The following BRMS1L variants were observed in gnomAD, a reference collection of about 807,000 sequenced individuals.
BRMS1L encodes BRMS1 like transcriptional repressor.
A neutral mutation model predicts 50.3 loss-of-function variants in BRMS1L; 23 were observed. The ratio of observed to expected loss-of-function variants is 0.46; its 90% CI spans 0.33 to 0.65. The LOEUF (loss-of-function observed/expected upper bound fraction) is 0.65, where lower values mean the gene tolerates loss of function less well. Among genes scored for constraint, BRMS1L ranks in the 30% least tolerant of loss-of-function variants. The pLI, the probability that BRMS1L is intolerant of heterozygous loss-of-function variation, is 0.02. For missense variants in BRMS1L, 286 were observed against 386.1 expected (o/e 0.74, Z 2.17); for synonymous variants, 114 against 126.9 (o/e 0.90, Z 0.69).
In BRMS1L at chr14:35,870,884, C is replaced by G. The variant is rs930194523; in HGVS notation, c.*407C>G. 2 of 156,642 alleles carry G rather than the reference C, an allele frequency of 1.3e-5. No homozygotes were observed. The highest frequency in any genetic ancestry group is 4.8e-5 in the African/African-American group (2 of 41,414). 9.7% of individuals were successfully genotyped at this position (156,642 alleles called of 1,614,324 possible). A position where few individuals can be genotyped will look rare whatever the true frequency, so the allele number is the denominator to read the frequency against. On this transcript the variant is annotated 3_prime_UTR_variant, in exon 10 of 10. Coordinates refer to ENST00000216807, the MANE Select transcript of BRMS1L (RefSeq NM_032352.4). ...GTAAATAAGGCCGATAGAATGTTTCCTATAAATGGTTTGTACTAGTACATT... is the reference window on the plus strand; with the variant it reads ...GTAAATAAGGCCGATAGAATGTTTCGTATAAATGGTTTGTACTAGTACATT...
At chr14:35,830,558 A>C (rs556414290) in intron 1 of BRMS1L, among the ~76,000 whole-genome samples, 73 of 151,188 alleles carry the variant, frequency 4.8e-4, no homozygotes, top group Admixed American at 2.3e-3. Context: ...GGGTTTCACC[A>C]TGTTGCCCAG....
At chr14:35,856,251 A>G (rs2078278313) in intron 4 of BRMS1L, among the ~76,000 whole-genome samples, 1 of 152,170 alleles carries the variant, frequency 6.6e-6, no homozygotes, top group Admixed American at 6.5e-5. Flanking sequence ...GTATCAAATT[A>G]AGGAAGGAAA....
chr14:35,843,994 A>G (rs186262150), intron 4 of BRMS1L, among the ~76,000 whole-genome samples: 13 of 152,236 alleles, frequency 8.5e-5, no homozygotes, highest in Non-Finnish European at 1.5e-4. Context: ...TGTGAGGGGA[A>G]AACTGCCTAC....
chr14:35,841,998 C>CTTTTTTTTTTTTTTTTTTTTTTTT (rs574267347), intron 4 of BRMS1L, among the ~76,000 whole-genome samples: 2 of 112,232 alleles, frequency 1.8e-5, no homozygotes, highest in African/African-American at 7.1e-5. Context: ...GCAATCTCTG[C>CTTTTTTTTTTTTTTTTTTTTTTTT]TTTTTTTTTT....
intron 1 of BRMS1L, among the ~76,000 whole-genome samples, chr14:35,829,019 C>T (rs558663539): frequency 4.6e-5 from 7 of 151,518 alleles, no homozygotes; most frequent in Admixed American, 1.3e-4. Context: ...GATCTTGGCT[C>T]GCTGCAACCT....
intron 4 of BRMS1L, among the ~76,000 whole-genome samples, chr14:35,850,363 A>G (rs2078195292): frequency 6.6e-6 from 1 of 151,614 alleles, no homozygotes; most frequent in Non-Finnish European, 1.5e-5. Context: ...ATGCACCACC[A>G]TGCCTGGCTA....
At chr14:35,828,421 T>C (rs34932131) in intron 1 of BRMS1L, among the ~76,000 whole-genome samples, 24,823 of 150,430 alleles carry the variant, frequency 0.17, 2,159 homozygotes, top group East Asian at 0.34. Flanking sequence ...ATCCACCCAC[T>C]TCAACCTCCC....
chr14:35,869,023 A>G (rs2078455812), intron 9 of BRMS1L, among the ~76,000 whole-genome samples: 1 of 152,220 alleles, frequency 6.6e-6, no homozygotes, highest in South Asian at 2.1e-4. Context: ...TGTAGGTGTC[A>G]GTGGTAAATA....
intron 4 of BRMS1L, among the ~76,000 whole-genome samples, chr14:35,854,972 T>TC (rs35174040): frequency 6.6e-6 from 1 of 152,270 alleles, no homozygotes; most frequent in East Asian, 1.9e-4. Flanking sequence ...GAAAAACTTT[T>TC]CCCCCCCTCT....
intron 4 of BRMS1L, among the ~76,000 whole-genome samples, chr14:35,838,485 C>CA (rs1194650068): frequency 6.6e-6 from 1 of 151,230 alleles, no homozygotes; most frequent in Admixed American, 6.6e-5. Context: ...TTTATACTCC[C>CA]ACCAACAGTG....
intron 6 of BRMS1L, among the ~76,000 whole-genome samples, 174 bp downstream of exon 6, chr14:35,864,127 G>A (rs2078389772): frequency 6.6e-6 from 1 of 152,090 alleles, no homozygotes; most frequent in Non-Finnish European, 1.5e-5. Context: ...TATACTTTAG[G>A]TCAGGAGAGG....
intron 4 of BRMS1L, among the ~76,000 whole-genome samples, chr14:35,845,547 C>A (rs1423113663): frequency 6.6e-6 from 1 of 152,116 alleles, no homozygotes; most frequent in Non-Finnish European, 1.5e-5. Context: ...TCTTGGATTC[C>A]AGGAATGATT....
At chr14:35,832,424 G>A (rs1039462791) in intron 2 of BRMS1L, among the ~76,000 whole-genome samples, 14 of 150,810 alleles carry the variant, frequency 9.3e-5, no homozygotes, top group Non-Finnish European at 1.5e-5. Context: ...GGAGAATGGC[G>A]TGAACCCAGG....
intron 7 of BRMS1L, 32 bp from the exon 8 acceptor site, chr14:35,865,689 CT>C (rs979315264): frequency 1.3e-6 from 2 of 1,513,880 alleles, no homozygotes; most frequent in African/African-American, 2.9e-5. Context: ...ACTCAGACTT[CT>C]TTCTTCCTCT....
intron 4 of BRMS1L, 110 bp from the exon 5 acceptor site, chr14:35,862,480 A>G: frequency 2.1e-6 from 1 of 475,048 alleles, no homozygotes. Flanking sequence ...TGAATTGAAA[A>G]AGCAAACCAA....
At chr14:35,858,030 G>T (rs1594342512) in intron 4 of BRMS1L, among the ~76,000 whole-genome samples, 1 of 143,386 alleles carries the variant, frequency 7.0e-6, no homozygotes. Flanking sequence ...AAAAAAAAAA[G>T]CACTGGACCT....
intron 9 of BRMS1L, among the ~76,000 whole-genome samples, chr14:35,868,993 G>A (rs918379242): frequency 6.6e-6 from 1 of 152,136 alleles, no homozygotes; most frequent in African/African-American, 2.4e-5. Flanking sequence ...GTAAACTTCT[G>A]TGGTAACAAA....
At chr14:35,832,751 T>C (rs1431136147) in intron 2 of BRMS1L, among the ~76,000 whole-genome samples, 12 of 152,332 alleles carry the variant, frequency 7.9e-5, no homozygotes, top group African/African-American at 2.9e-4. Context: ...TTTATTTTTT[T>C]GTATTGGGAA....
intron 8 of BRMS1L, chr14:35,865,975 T>C (rs1319253270): frequency 2.0e-6 from 1 of 509,686 alleles, no homozygotes; most frequent in Non-Finnish European, 3.4e-6. Context: ...TTCAGCTACA[T>C]TCTTATTGCT....
Sources: gnomAD v4.1 joint callset for allele counts (sites outside exome capture counted in the v4.1 genomes callset) on GRCh38, gnomAD v4.1.1 for gene constraint, MANE v1.5 for transcripts, NCBI Gene and HGNC (gene_info 2026-07-23, HGNC 2026-07-21) for gene names.